The following ARK2C variants were observed in gnomAD, a reference collection of about 807,000 sequenced individuals.
ARK2C encodes the protein E3 ubiquitin-protein ligase ARK2C.
chr18:46,410,050 A>C, the ARK2C span, among the ~76,000 whole-genome samples: 1 of 152,168 alleles, frequency 6.6e-6, no homozygotes, highest in Non-Finnish European at 1.5e-5. Context: ...TTATAATCTT[A>C]CTGCCAACTG....
the ARK2C span, chr18:46,460,253 A>C: frequency 0.053 from 8,087 of 152,748 alleles, 293 homozygotes; most frequent in Non-Finnish European, 0.075. Context: ...CCCCGCCTGT[A>C]GGCGGGACAA....
chr18:46,383,618 G>A, the ARK2C span, among the ~76,000 whole-genome samples: 142 of 144,146 alleles, frequency 9.9e-4, 2 homozygotes, highest in East Asian at 0.013. Flanking sequence ...ACAGTGGTGC[G>A]ATCTCAGCTC....
chr18:46,428,633 C>T, the ARK2C span, among the ~76,000 whole-genome samples: 18 of 152,072 alleles, frequency 1.2e-4, no homozygotes, highest in Admixed American at 5.2e-4. Context: ...GAGGCTAGGG[C>T]GAATTGACAT....
At chr18:46,453,856 T>A in the ARK2C span, among the ~76,000 whole-genome samples, 1 of 151,920 alleles carries the variant, frequency 6.6e-6, no homozygotes, top group Non-Finnish European at 1.5e-5. Context: ...CTGGGCACAC[T>A]GGCTCATGCA....
chr18:46,425,517 G>T, the ARK2C span, among the ~76,000 whole-genome samples: 11 of 152,210 alleles, frequency 7.2e-5, no homozygotes, highest in Non-Finnish European at 1.6e-4. Flanking sequence ...CAGCCCTGGA[G>T]TCTTGAGGAT....
the ARK2C span, among the ~76,000 whole-genome samples, chr18:46,344,712 G>T: frequency 6.6e-6 from 1 of 152,228 alleles, no homozygotes; most frequent in Non-Finnish European, 1.5e-5. Flanking sequence ...TGGGACTTCT[G>T]ACCAGACCTG....
the ARK2C span, among the ~76,000 whole-genome samples, chr18:46,419,299 C>T: frequency 6.6e-6 from 1 of 152,276 alleles, no homozygotes; most frequent in Non-Finnish European, 1.5e-5. Flanking sequence ...AGCCATCCTC[C>T]GTAGCCAGCC....
the ARK2C span, among the ~76,000 whole-genome samples, chr18:46,374,034 C>T: frequency 1.3e-5 from 2 of 152,004 alleles, no homozygotes; most frequent in Non-Finnish European, 2.9e-5. Flanking sequence ...TTCTTTTCTT[C>T]CTGCAGCATG....
chr18:46,379,546 G>A, the ARK2C span, among the ~76,000 whole-genome samples: 64 of 152,180 alleles, frequency 4.2e-4, 1 homozygote, highest in East Asian at 9.5e-3. Flanking sequence ...CAACAGCACC[G>A]CCCTCATTTG....
the ARK2C span, among the ~76,000 whole-genome samples, chr18:46,452,578 C>G: frequency 6.6e-6 from 1 of 152,078 alleles, no homozygotes; most frequent in African/African-American, 2.4e-5. Context: ...CCATGCCTGG[C>G]CTGTTTTTGC....
the ARK2C span, among the ~76,000 whole-genome samples, chr18:46,341,347 G>A: frequency 6.6e-6 from 1 of 151,864 alleles, no homozygotes; most frequent in Admixed American, 6.6e-5. Flanking sequence ...TGGGGGGTAG[G>A]GAGGAGAAGA....
chr18:46,376,519 C>G, the ARK2C span, among the ~76,000 whole-genome samples: 1 of 152,196 alleles, frequency 6.6e-6, no homozygotes, highest in South Asian at 2.1e-4. Flanking sequence ...CCTGATGGGA[C>G]CTCAGACCAC....
chr18:46,379,381 T>C, the ARK2C span, among the ~76,000 whole-genome samples: 1 of 152,226 alleles, frequency 6.6e-6, no homozygotes, highest in African/African-American at 2.4e-5. Flanking sequence ...TGGTTTCTTT[T>C]CAGGGCTCAT....
chr18:46,352,906 G>A, the ARK2C span, among the ~76,000 whole-genome samples: 4 of 152,212 alleles, frequency 2.6e-5, no homozygotes, highest in African/African-American at 7.2e-5. Flanking sequence ...GAACCCACAC[G>A]TCAGGTCTTA....
the ARK2C span, among the ~76,000 whole-genome samples, chr18:46,449,110 A>G: frequency 3.3e-5 from 5 of 152,164 alleles, no homozygotes; most frequent in African/African-American, 1.2e-4. Flanking sequence ...TAATCCTCTC[A>G]AAAACTCCCA....
At chr18:46,450,950 C>A in the ARK2C span, 3 of 631,944 alleles carry the variant, frequency 4.7e-6, no homozygotes, top group South Asian at 5.7e-5. Context: ...AATAACTTCC[C>A]AGGGTCATGT....
At chr18:46,409,120 G>C in the ARK2C span, among the ~76,000 whole-genome samples, 1 of 152,130 alleles carries the variant, frequency 6.6e-6, no homozygotes, top group Non-Finnish European at 1.5e-5. Context: ...GCATACAGGG[G>C]GTGCAATAGA....
At chr18:46,448,320 C>G in the ARK2C span, among the ~76,000 whole-genome samples, 1 of 152,204 alleles carries the variant, frequency 6.6e-6, no homozygotes, top group Non-Finnish European at 1.5e-5. Context: ...GGCAGATCAA[C>G]AGCTCCCCTC....
At chr18:46,424,225 A>C in the ARK2C span, among the ~76,000 whole-genome samples, 3 of 152,194 alleles carry the variant, frequency 2.0e-5, no homozygotes, top group Non-Finnish European at 4.4e-5. Context: ...GACAGGATGC[A>C]ATGGTCTGGC....
Sources: allele counts gnomAD v4.1 joint callset (sites outside exome capture counted in the v4.1 genomes callset), GRCh38; gene constraint gnomAD v4.1.1; transcripts MANE v1.5; gene names NCBI Gene and HGNC (gene_info 2026-07-23, HGNC 2026-07-21).